The following PPP1R37 variants were observed in gnomAD, a reference collection of about 807,000 sequenced individuals.
PPP1R37 encodes the protein leucine rich repeat containing 68.
PPP1R37 carries 21 observed loss-of-function variants against 61.0 expected under a neutral mutation model. The ratio of observed to expected loss-of-function variants is 0.34; its 90% CI spans 0.24 to 0.50. The LOEUF is 0.50. PPP1R37 is among the 20% of genes least tolerant of loss of function. PPP1R37 has a pLI of 0.98. For missense variants in PPP1R37, 910 were observed against 952.7 expected (o/e 0.96, Z 0.59); for synonymous variants, 443 against 433.5 (o/e 1.02, Z -0.27).
chr19:45,145,812 T>TGGGCGG lies in PPP1R37; in HGVS notation c.1756_1757insGGGCGG (p.Ser586delinsTrpAlaAla). On this transcript the variant is annotated protein_altering_variant, in exon 11 of 13. Transcript: ENST00000221462. ...GCCCGAGAGGGCAGAGCCCCCTGCGTCCCCCACCCCTCCCTCTCCCCCACC... is the reference window on the plus strand; with the variant it reads ...GCCCGAGAGGGCAGAGCCCCCTGCGTGGGCGGCCCCCACCCCTCCCTCTCCCCCACC... 8.1e-7 allele frequency: 1 copy of TGGGCGG among 1,227,588 alleles called. No individual in the cohort carries two copies. The highest frequency in any genetic ancestry group is 1.1e-6 in the Non-Finnish European group (1 of 922,068). The allele number at this position is 1,227,588 out of a possible 1,614,324, so 76.0% of individuals were successfully genotyped here.
chr19:45,103,838 G>GGTA (rs35578437), intron 1 of PPP1R37, among the ~76,000 whole-genome samples: 37,868 of 151,972 alleles, frequency 0.25, 5,445 homozygotes, highest in Non-Finnish European at 0.33. Context: ...AGGCCACACA[G>GGTA]GTAGTAGAGG....
At chr19:45,134,403 C>G (rs1169144689) in intron 1 of PPP1R37, among the ~76,000 whole-genome samples, 1 of 152,116 alleles carries the variant, frequency 6.6e-6, no homozygotes, top group Admixed American at 6.5e-5. Context: ...ATGGGCCTGG[C>G]GGGTGTGAGT....
At chr19:45,115,142 C>T (rs1568443103) in intron 1 of PPP1R37, among the ~76,000 whole-genome samples, 3 of 152,078 alleles carry the variant, frequency 2.0e-5, no homozygotes, top group African/African-American at 7.2e-5. Context: ...GGCTTATTGT[C>T]CAGAGAGAGG....
chr19:45,138,387 G>A, intron 1 of PPP1R37, 127 bp from the exon 2 acceptor site: 1 of 667,748 alleles, frequency 1.5e-6, no homozygotes, highest in Non-Finnish European at 2.6e-6. Flanking sequence ...CAGAGCTCAG[G>A]CAGCCTGTTG....
chr19:45,145,597 A>C lies in PPP1R37; in HGVS notation c.1541A>C (p.Glu514Ala), dbSNP rs1297314198. 6.5e-7 allele frequency: 1 copy of C among 1,535,378 alleles called. No homozygotes were observed. The highest frequency in any genetic ancestry group is 8.7e-7 in the Non-Finnish European group (1 of 1,146,650). Residue 514 changes from glutamate (E) to alanine (A), a missense_variant, in exon 11 of 13, where the codon GAG becomes GCG. Coordinates refer to ENST00000221462, the MANE Select transcript of PPP1R37 (RefSeq NM_019121.2). ...DSDSDSDSDG[E>A]EEEEEEGERD... ...GACTCAGACTCGGACTCGGATGGGG[A>C]GGAAGAGGAGGAAGAGGAAGGGGAG... is the stretch of plus-strand genomic sequence containing the variant.
In PPP1R37 at chr19:45,093,427, C is replaced by G. The variant is rs1378625913; in HGVS notation, c.102C>G (p.Pro34=). The G allele has an allele frequency of 3.3e-6, 5 of 1,535,044 alleles. No homozygotes were observed. Among genetic ancestry groups the G allele is most frequent in the Non-Finnish European group, 4.4e-6 (5 of 1,146,498 alleles). ...EAGSPSPASP[P]ADGRLKAAAK... Reference sequence around the variant, plus strand: ...GGTCTCCCAGCCCCGCGTCGCCCCCCGCCGATGGGCGCCTCAAGGCTGCAG... The same window carrying G: ...GGTCTCCCAGCCCCGCGTCGCCCCCGGCCGATGGGCGCCTCAAGGCTGCAG... The change falls in exon 1 of 13, where the codon CCC becomes CCG. Residue 34 remains proline (P), a synonymous_variant. Coordinates refer to ENST00000221462, the MANE Select transcript of PPP1R37 (RefSeq NM_019121.2).
At chr19:45,142,589 A>G (rs1968628908) in intron 7 of PPP1R37, 131 bp downstream of exon 7, 1 of 983,224 alleles carries the variant, frequency 1.0e-6, no homozygotes, top group Non-Finnish European at 1.5e-6. Flanking sequence ...GGCTCCCAGG[A>G]GGAAGACAGA....
At chr19:45,114,359 C>A (rs1968237953) in intron 1 of PPP1R37, among the ~76,000 whole-genome samples, 1 of 152,260 alleles carries the variant, frequency 6.6e-6, no homozygotes, top group African/African-American at 2.4e-5. Flanking sequence ...GTTCCTCTTT[C>A]TCTCTTCAGA....
At chr19:45,139,383 C>T (rs1381912485) in intron 2 of PPP1R37, among the ~76,000 whole-genome samples, 2 of 152,270 alleles carry the variant, frequency 1.3e-5, no homozygotes, top group Non-Finnish European at 2.9e-5. Flanking sequence ...CTTTTCTGTG[C>T]GTTGGCAAGG....
intron 1 of PPP1R37, among the ~76,000 whole-genome samples, chr19:45,132,420 C>G (rs1968489705): frequency 6.6e-6 from 1 of 152,082 alleles, no homozygotes; most frequent in Non-Finnish European, 1.5e-5. Flanking sequence ...ATCCTCCCAT[C>G]TCAGCCTCCC....
At chr19:45,128,819 CA>C in intron 1 of PPP1R37, 1 of 618,540 alleles carries the variant, frequency 1.6e-6, no homozygotes. Flanking sequence ...TCCCCAGCAT[CA>C]AAAGGAATGA....
intron 1 of PPP1R37, 135 bp from the exon 2 acceptor site, chr19:45,138,379 G>C: frequency 1.5e-6 from 1 of 654,932 alleles, no homozygotes. Context: ...AGGGAGGACA[G>C]AGCTCAGGCA....
At chr19:45,123,775 C>T (rs768581599) in intron 1 of PPP1R37, among the ~76,000 whole-genome samples, 7 of 152,230 alleles carry the variant, frequency 4.6e-5, no homozygotes, top group East Asian at 1.9e-4. Context: ...AATTTTAGAA[C>T]GTGTTTCACT....
intron 1 of PPP1R37, among the ~76,000 whole-genome samples, chr19:45,104,713 T>C (rs924011001): frequency 1.3e-5 from 2 of 152,084 alleles, no homozygotes; most frequent in Non-Finnish European, 2.9e-5. Context: ...CTAGTGTCCC[T>C]GCAACAGGTT....
chr19:45,132,623 A>C (rs1015078316), intron 1 of PPP1R37, among the ~76,000 whole-genome samples: 4 of 151,726 alleles, frequency 2.6e-5, no homozygotes, highest in Admixed American at 2.6e-4. Flanking sequence ...TTTGGCAGAG[A>C]TGGTATCACC....
intron 1 of PPP1R37, among the ~76,000 whole-genome samples, chr19:45,095,027 T>C (rs139899053): frequency 6.6e-6 from 1 of 152,160 alleles, no homozygotes; most frequent in Non-Finnish European, 1.5e-5. Context: ...CTGGCTGTGG[T>C]GGCCGTGGTT....
chr19:45,145,334 C>T lies in PPP1R37; in HGVS notation c.1297-19C>T. On this transcript the variant is annotated intron_variant, in intron 10 of 12. Transcript: ENST00000221462. ...GGTGGGGCCGGCCTGAGAGCCCTAG[C>T]CAGGCGCTCCCGCCACAGGTGAAGA... 1.3e-6 allele frequency: 2 copies of T among 1,529,332 alleles called. No individual in the cohort carries two copies. The highest frequency in any genetic ancestry group is 2.0e-5 in the Admixed American group (1 of 50,404). The allele number at this position is 1,529,332 out of a possible 1,614,324, so 94.7% of individuals were successfully genotyped here. A position where few individuals can be genotyped will look rare whatever the true frequency, so the allele number is the denominator to read the frequency against.
intron 1 of PPP1R37, among the ~76,000 whole-genome samples, chr19:45,137,707 C>G (rs1968556053): frequency 6.6e-6 from 1 of 152,094 alleles, no homozygotes; most frequent in Admixed American, 6.6e-5. Flanking sequence ...TAGTTGAGAG[C>G]TGAGTTCAAA....
At position 45,145,490 on chromosome 19, in the gene PPP1R37, C is replaced by T. The variant is rs1418578141; in HGVS notation, c.1434C>T (p.Thr478=). Residue 478 remains threonine, a synonymous_variant, in exon 11 of 13, where the codon ACC becomes ACT. Transcript: ENST00000221462. Reference sequence around the variant, plus strand: ...TGTCGGCCTCCATGCCTGAGACCACCGCCACCGAGCCCCAGCCCGACGACG... The same window carrying T: ...TGTCGGCCTCCATGCCTGAGACCACTGCCACCGAGCCCCAGCCCGACGACG... The part of the protein sequence containing the change: ...PQLSASMPET[T]ATEPQPDDEP... 6 of 1,534,570 alleles carry T rather than the reference C, an allele frequency of 3.9e-6. No homozygotes were observed. Among genetic ancestry groups the T allele is most frequent in the Non-Finnish European group, 4.4e-6 (5 of 1,146,348 alleles).
Sources: allele counts gnomAD v4.1 joint callset (sites outside exome capture counted in the v4.1 genomes callset), GRCh38; gene constraint gnomAD v4.1.1; transcripts MANE v1.5; gene names NCBI Gene and HGNC (gene_info 2026-07-23, HGNC 2026-07-21).